The following NLRC5 variants were observed in gnomAD, a reference collection of about 807,000 sequenced individuals.
NLRC5 encodes the protein NLR family CARD domain containing 5, also known as protein NLRC5.
In NLRC5, 114 loss-of-function variants were observed where a neutral mutation model predicts 206.9. The ratio of observed to expected loss-of-function variants is 0.55; its 90% CI spans 0.47 to 0.64. NLRC5 has a LOEUF of 0.64. NLRC5 is among the 30% of genes least tolerant of loss of function. The pLI is 0.00. For synonymous variants in NLRC5, 952 were observed against 962.8 expected (o/e 0.99, Z 0.21); for missense variants, 2,008 against 2,305.5 (o/e 0.87, Z 2.64).
Position 57,028,360 on chromosome 16 carries a change from C to T in NLRC5, c.2218C>T (p.Leu740Phe). 2 of 1,614,170 alleles carry T rather than the reference C, an allele frequency of 1.2e-6. No individual in the cohort carries two copies. Among genetic ancestry groups the T allele is most frequent in the Non-Finnish European group, 1.7e-6 (2 of 1,180,006 alleles). Residue 740 changes from leucine (L) to phenylalanine (F), a missense_variant, in exon 8 of 49, where the codon CTC becomes TTC. Leu to Phe is a conservative substitution (Grantham distance 22). Transcript: ENST00000688547. ...GISHLVKALPLCPQLKEVSFR... is the reference protein window; with the variant it reads ...GISHLVKALPFCPQLKEVSFR... ...CAGCCACCTGGTGAAAGCTTTGCCT[C>T]TCTGTCCACAGCTGAAAGAAGTCAG...
At chr16:56,992,511 CTGT>C (rs2057032255) in intron 1 of NLRC5, 1 of 150,828 alleles carries the variant, frequency 6.6e-6, no homozygotes, top group Non-Finnish European at 1.5e-5. Flanking sequence ...GAGTCTCACT[CTGT>C]TGCCTAGGCT....
At chr16:57,060,412 C>A (rs137977415) in intron 30 of NLRC5, among the ~76,000 whole-genome samples, 230 of 151,792 alleles carry the variant, frequency 1.5e-3, no homozygotes, top group African/African-American at 5.5e-3. Flanking sequence ...ATACACCAAG[C>A]ACACCCAAAC....
At chr16:57,002,644 T>C (rs937832261) in intron 1 of NLRC5, among the ~76,000 whole-genome samples, 2 of 103,532 alleles carry the variant, frequency 1.9e-5, no homozygotes, top group Admixed American at 2.9e-4. Flanking sequence ...AGTTTTTTTT[T>C]GTTTTTTTTT....
At chr16:57,014,203 T>G (rs1225722782) in intron 1 of NLRC5, 2 of 173,782 alleles carry the variant, frequency 1.2e-5, no homozygotes, top group African/African-American at 2.4e-5. Flanking sequence ...AGACAGCATA[T>G]TGCTATGTAT....
At chr16:57,024,705 G>A (rs567227496) in intron 5 of NLRC5, among the ~76,000 whole-genome samples, 1 of 152,158 alleles carries the variant, frequency 6.6e-6, no homozygotes, top group Non-Finnish European at 1.5e-5. Flanking sequence ...GAAAGAGGTT[G>A]TTTCAATAAG....
chr16:57,044,987 T>C lies in NLRC5; in HGVS notation c.3204-461T>C, dbSNP rs1044626646. Among the ~76,000 whole-genome samples the C allele has an allele frequency of 2.6e-5, 4 of 151,198 alleles. No individual in the cohort carries two copies. The South Asian group carries it at 8.4e-4, about 32-fold the overall frequency. ...TGGGAGGCTAAGGCAGGAGGATCGT[T>C]TGAGCCATGGAGTTTGAGACCAGCC... On this transcript the variant is annotated intron_variant, in intron 20 of 48. Transcript: ENST00000688547.
chr16:57,025,699 T>C lies in NLRC5; in HGVS notation c.756T>C (p.Cys252=), dbSNP rs140127152. 7 of 1,614,098 alleles carry C rather than the reference T, an allele frequency of 4.3e-6. No homozygotes were observed. The African/African-American group carries it at 8.0e-5, about 18-fold the overall frequency. ...AGTGGGCAGAGGGCCATCTGAACTG[T>C]TTCCAGGCCCTGTTCCTTTTTGAAT... ...CQKWAEGHLN[C]FQALFLFEFR... Residue 252 remains cysteine (C), a synonymous_variant, in exon 6 of 49, where the codon TGT becomes TGC. Coordinates refer to ENST00000688547, the MANE Select transcript of NLRC5 (RefSeq NM_001384950.1).
chr16:57,025,761 C>T lies in NLRC5; in HGVS notation c.818C>T (p.Pro273Leu), dbSNP rs763116144. 6.8e-6 allele frequency: 11 copies of T among 1,614,082 alleles called. No individual in the cohort carries two copies. Among genetic ancestry groups the T allele is most frequent in the African/African-American group, 2.7e-5 (2 of 74,930 alleles). The stretch of plus-strand genomic sequence containing the variant: ...AACTTGATCACGAGGTTCCTGACAC[C>T]GTCCGAGCTCCTTTTTGATCTGTAC... ...QLNLITRFLT[P>L]SELLFDLYLS... Residue 273 changes from proline to leucine, a missense_variant, in exon 6 of 49, where the codon CCG becomes CTG. By Grantham distance (98) the Pro-to-Leu change is moderately conservative. Transcript: ENST00000688547.
In NLRC5 at chr16:57,076,838, G is replaced by A. The variant is rs150288570; in HGVS notation, c.4771G>A (p.Gly1591Ser). The stretch of plus-strand genomic sequence containing the variant: ...TTCCAGACTGAACAGGAACAGTATC[G>A]GTGATGTCGGTTGCTGCCACCTTTC... ...QSLRLNRNSIGDVGCCHLSEA... is the reference protein window; with the variant it reads ...QSLRLNRNSISDVGCCHLSEA... Residue 1591 changes from glycine (G) to serine (S), a missense_variant, in exon 40 of 49, where the codon GGT (glycine) becomes AGT (serine). Gly to Ser is a moderately conservative substitution (Grantham distance 56). Transcript: ENST00000688547. 73 of 1,613,994 alleles carry A rather than the reference G, an allele frequency of 4.5e-5. No individual in the cohort carries two copies. Among genetic ancestry groups the A allele is most frequent in the African/African-American group, 2.5e-4 (19 of 74,934 alleles).
intron 14 of NLRC5, 75 bp from the exon 15 acceptor site, chr16:57,037,120 A>G: frequency 8.3e-7 from 1 of 1,207,904 alleles, no homozygotes; most frequent in Non-Finnish European, 1.2e-6. Context: ...GCTGAGCCAC[A>G]GGGAGGGGCT....
At chr16:57,034,413 G>A in intron 13 of NLRC5, 162 bp downstream of exon 13, 2 of 622,938 alleles carry the variant, frequency 3.2e-6, no homozygotes. Flanking sequence ...TTCAGCACTT[G>A]TCCCGGGTCA....
chr16:57,036,251 C>A (rs1448559990), intron 14 of NLRC5, 68 bp downstream of exon 14: 1 of 1,438,734 alleles, frequency 7.0e-7, no homozygotes, highest in Non-Finnish European at 9.6e-7. Context: ...TCCCCGTGTT[C>A]GTAATCAGCA....
chr16:57,047,220 G>A (rs1197055693), intron 22 of NLRC5, among the ~76,000 whole-genome samples: 1 of 152,226 alleles, frequency 6.6e-6, no homozygotes, highest in Non-Finnish European at 1.5e-5. Flanking sequence ...GGATTAAAGG[G>A]AGGCAAGAGT....
In NLRC5 at chr16:57,037,291, G is replaced by C; in HGVS notation, c.2801+7G>C. 1 of 1,609,906 alleles carries C rather than the reference G, an allele frequency of 6.2e-7. No individual in the cohort carries two copies. The highest frequency in any genetic ancestry group is 8.5e-7 in the Non-Finnish European group (1 of 1,179,112). ...TGGCAGAGCTGCACATCAGGTGGGA[G>C]CTCCCTCAGACCACGGTACCCATCC... is the stretch of plus-strand genomic sequence containing the variant. On this transcript the variant is annotated splice_region_variant and intron_variant, in intron 15 of 48. Transcript: ENST00000688547.
chr16:57,073,809 G>C (rs1470000137), intron 38 of NLRC5, among the ~76,000 whole-genome samples: 1 of 152,142 alleles, frequency 6.6e-6, no homozygotes, highest in Non-Finnish European at 1.5e-5. Context: ...GGCCAGGCTG[G>C]TCTCGAACTC....
At chr16:57,067,627 G>A in intron 35 of NLRC5, 109 bp from the exon 36 acceptor site, 1 of 1,346,440 alleles carries the variant, frequency 7.4e-7, no homozygotes, top group Non-Finnish European at 1.1e-6. Flanking sequence ...GTGGCTCAGG[G>A]GAGCTCTTGG....
At chr16:57,060,269 A>G (rs2066274845) in intron 30 of NLRC5, among the ~76,000 whole-genome samples, 1 of 151,810 alleles carries the variant, frequency 6.6e-6, no homozygotes, top group Non-Finnish European at 1.5e-5. Flanking sequence ...GCTCCCCATT[A>G]ACCCCAGGGT....
rs202244253 is a variant in NLRC5, at chr16:57,052,475, GA to G, written c.3506+865del. ...GCGACAAGAGTGAAACTCCATCTCA[GA>G]AAAAAAAAAAGAAAAAAAGAAAAAG... On this transcript the variant is annotated intron_variant, in intron 24 of 48. Coordinates refer to ENST00000688547, the MANE Select transcript of NLRC5 (RefSeq NM_001384950.1). The G allele has an allele frequency of 7.7e-4, 104 of 135,504 alleles. 1 individual carries two copies. The East Asian group carries it at 0.011, about 15-fold the overall frequency. The allele number at this position is 135,504 out of a possible 1,614,324, so 8.4% of individuals were successfully genotyped here.
At chr16:57,079,781 C>T (rs2068897922) in intron 46 of NLRC5, 152 bp downstream of exon 46, 1 of 616,528 alleles carries the variant, frequency 1.6e-6, no homozygotes, top group Non-Finnish European at 2.9e-6. Flanking sequence ...CATCCTTACT[C>T]AGACATCCTC....
Sources: gnomAD v4.1 joint callset for allele counts (sites outside exome capture counted in the v4.1 genomes callset) on GRCh38, gnomAD v4.1.1 for gene constraint, MANE v1.5 for transcripts, NCBI Gene and HGNC (gene_info 2026-07-23, HGNC 2026-07-21) for gene names.